The following FAM135B variants were observed in gnomAD, a reference collection of about 807,000 sequenced individuals.
The protein encoded by FAM135B is family with sequence similarity 135 member B.
A neutral mutation model predicts 127.7 loss-of-function variants in FAM135B; 43 were observed. That is an observed-to-expected ratio of 0.34 (90% CI 0.26 to 0.43). The LOEUF is 0.43. Ranked by LOEUF, FAM135B falls within the 20% of genes least tolerant of loss-of-function variation. The probability of loss-of-function intolerance (pLI) is 1.00; values close to 1 mark genes in which losing one functional copy is unlikely to be tolerated. For missense variants in FAM135B, 1,558 were observed against 1,725.6 expected, an observed-to-expected ratio of 0.90 and a Z score of 1.72; for synonymous variants, 670 against 665.1, an observed-to-expected ratio of 1.01 and a Z score of -0.11.
intron 7 of FAM135B, among the ~76,000 whole-genome samples, chr8:138,222,678 GTTTTTTT>G (rs33913656): frequency 2.9e-5 from 3 of 104,052 alleles, no homozygotes; most frequent in Admixed American, 2.2e-4. Flanking sequence ...TGTTGGTGGT[GTTTTTTT>G]TTTTTTTTTT....
intron 11 of FAM135B, among the ~76,000 whole-genome samples, chr8:138,175,471 T>C (rs1423911503): frequency 2.0e-5 from 3 of 152,244 alleles, no homozygotes; most frequent in African/African-American, 7.2e-5. Context: ...CTTTTTCTTA[T>C]CGCTTTGGCT....
At chr8:138,426,253 C>G (rs1244322652) in intron 1 of FAM135B, among the ~76,000 whole-genome samples, 1 of 150,572 alleles carries the variant, frequency 6.6e-6, no homozygotes, top group Non-Finnish European at 1.5e-5. Flanking sequence ...CTGGTAAGCA[C>G]AAAATAACAT....
At chr8:138,358,099 C>G (rs1475956048) in intron 2 of FAM135B, among the ~76,000 whole-genome samples, 2 of 152,012 alleles carry the variant, frequency 1.3e-5, no homozygotes, top group African/African-American at 2.4e-5. Flanking sequence ...GGGGAACTAC[C>G]CTTTTTAAAA....
intron 7 of FAM135B, among the ~76,000 whole-genome samples, chr8:138,233,356 G>C (rs1820040476): frequency 6.6e-6 from 1 of 152,096 alleles, no homozygotes; most frequent in African/African-American, 2.4e-5. Context: ...AGAAAACTAA[G>C]AAATGAACCA....
chr8:138,380,320 C>CT (rs1831768754), intron 1 of FAM135B, among the ~76,000 whole-genome samples: 1 of 152,112 alleles, frequency 6.6e-6, no homozygotes, highest in South Asian at 2.1e-4. Flanking sequence ...GCCTCAGCCT[C>CT]TGAGTAACTG....
intron 1 of FAM135B, among the ~76,000 whole-genome samples, chr8:138,457,934 G>A (rs141759363): frequency 0.01 from 1,508 of 146,632 alleles, 14 homozygotes; most frequent in African/African-American, 0.025. Flanking sequence ...CTGAGATTCC[G>A]CCACTGCACT....
intron 1 of FAM135B, among the ~76,000 whole-genome samples, chr8:138,455,955 G>A (rs979574629): frequency 6.6e-6 from 1 of 152,170 alleles, no homozygotes; most frequent in African/African-American, 2.4e-5. Context: ...CAAGCTGTCT[G>A]TCTTTGTGTA....
intron 7 of FAM135B, among the ~76,000 whole-genome samples, chr8:138,221,085 T>A (rs2130036939): frequency 6.6e-6 from 1 of 152,314 alleles, no homozygotes; most frequent in Admixed American, 6.5e-5. Flanking sequence ...TCTAGCTGAC[T>A]CTTTGTATTA....
Position 138,243,757 on chromosome 8 carries a change from A to G in FAM135B, c.543-689T>C, listed in dbSNP as rs1039080360. 1.3e-5 allele frequency among the ~76,000 whole-genome samples: 2 copies of G among 152,222 alleles called. No individual in the cohort carries two copies. Among genetic ancestry groups the G allele is most frequent in the African/African-American group, 2.4e-5 (1 of 41,446 alleles). On this transcript the variant is annotated intron_variant, in intron 6 of 19. Coordinates refer to ENST00000395297, the MANE Select transcript of FAM135B (RefSeq NM_015912.4). The surrounding 1 kb of genome is among the most constrained non-coding windows in gnomAD (Gnocchi z 7.5). ...CAAATTTATCATATTTGAGTTTATG[A>G]TCATCTTCCTCTATCTTTACCTGTT...
intron 1 of FAM135B, among the ~76,000 whole-genome samples, chr8:138,493,621 A>T (rs1815281909): frequency 6.6e-6 from 1 of 152,220 alleles, no homozygotes; most frequent in African/African-American, 2.4e-5. Flanking sequence ...ACTGAAGGTC[A>T]CACAGAGCTA....
At chr8:138,450,315 GC>G (rs1316656941) in intron 1 of FAM135B, among the ~76,000 whole-genome samples, 1 of 152,176 alleles carries the variant, frequency 6.6e-6, no homozygotes, top group African/African-American at 2.4e-5. Flanking sequence ...ACATACATGT[GC>G]AGGTTTTCAT....
At position 138,148,593 on chromosome 8, in the gene FAM135B, A is replaced by G. The variant is rs1224283115; in HGVS notation, c.3375T>C (p.Tyr1125=). The change falls in exon 14 of 20, where the codon TAT becomes TAC. Residue 1125 remains tyrosine (Y), a synonymous_variant. Coordinates refer to ENST00000395297, the MANE Select transcript of FAM135B (RefSeq NM_015912.4). ...DLTVLASDIP[Y]FPPEEEEENL... is the part of the protein sequence containing the mutation. ...TTTCTTCCTCTTCCTCTGGTGGGAA[A>G]TATGGTATATCAGAAGCTAGTACAG... 1 of 1,613,334 alleles carries G rather than the reference A, an allele frequency of 6.2e-7. No individual in the cohort carries two copies. Among genetic ancestry groups the G allele is most frequent in the Non-Finnish European group, 8.5e-7 (1 of 1,179,282 alleles).
chr8:138,442,095 T>C lies in FAM135B; in HGVS notation c.-20+54576A>G, dbSNP rs868594137. ...ACCATTGTATTATCTCCTCCTTTAATATTACAAATGTTGGAAACTGAGGGT... is the reference window on the plus strand; with the variant it reads ...ACCATTGTATTATCTCCTCCTTTAACATTACAAATGTTGGAAACTGAGGGT... On this transcript the variant is annotated intron_variant, in intron 1 of 19. Transcript: ENST00000395297. 2.7e-4 allele frequency among the ~76,000 whole-genome samples: 41 copies of C among 151,492 alleles called. No homozygotes were observed. The Middle Eastern group carries it at 0.01, about 38-fold the overall frequency.
chr8:138,246,499 C>G (rs1821297755), intron 6 of FAM135B, among the ~76,000 whole-genome samples: 1 of 152,162 alleles, frequency 6.6e-6, no homozygotes, highest in Non-Finnish European at 1.5e-5. Context: ...TTGGAAGCCT[C>G]TACTTGATGT....
At chr8:138,351,892 G>C (rs1259986846) in intron 2 of FAM135B, among the ~76,000 whole-genome samples, 2 of 152,064 alleles carry the variant, frequency 1.3e-5, no homozygotes, top group Non-Finnish European at 2.9e-5. Flanking sequence ...GTTTCACCAT[G>C]TTGACCAGAT....
chr8:138,435,424 T>C (rs1835408276), intron 1 of FAM135B, among the ~76,000 whole-genome samples: 1 of 152,212 alleles, frequency 6.6e-6, no homozygotes. Context: ...CTCAGGTTAC[T>C]GATGAGAAAG....
chr8:138,275,803 G>T (rs538587466), intron 3 of FAM135B, among the ~76,000 whole-genome samples: 134 of 152,302 alleles, frequency 8.8e-4, no homozygotes, highest in Non-Finnish European at 1.6e-3. Context: ...GGCCCTAAAT[G>T]ATGAGTGTGG....
chr8:138,242,372 C>T lies in FAM135B; in HGVS notation c.669+570G>A, dbSNP rs1820876697. ...TGTGTGGTTAAAGCCCTGCACATCA[C>T]AGAAGAGCAGGGGATGTTTCCTAGG... On this transcript the variant is annotated intron_variant, in intron 7 of 19. Coordinates refer to ENST00000395297, the MANE Select transcript of FAM135B (RefSeq NM_015912.4). This position sits in a 1 kb window ranked among gnomAD's most constrained non-coding sequence, Gnocchi z 9.6. Among the ~76,000 whole-genome samples, 1 of 151,962 alleles carries T rather than the reference C, an allele frequency of 6.6e-6. No homozygotes were observed.
intron 1 of FAM135B, among the ~76,000 whole-genome samples, chr8:138,449,225 C>T (rs543578461): frequency 1.3e-5 from 2 of 152,152 alleles, no homozygotes; most frequent in African/African-American, 4.8e-5. Context: ...TTCATTACAA[C>T]TGTATTAAGT....
Sources: gnomAD v4.1 joint callset for allele counts (sites outside exome capture counted in the v4.1 genomes callset) on GRCh38, gnomAD v4.1.1 for gene constraint, Gnocchi (gnomAD v3.1) non-coding constraint, MANE v1.5 for transcripts, NCBI Gene and HGNC (gene_info 2026-07-23, HGNC 2026-07-21) for gene names.